The following AGBL1 variants were observed in gnomAD, a reference collection of about 807,000 sequenced individuals.
AGBL1 encodes the protein cytosolic carboxypeptidase 4.
AGBL1 carries 130 observed loss-of-function variants against 118.9 expected under a neutral mutation model. The observed-to-expected ratio is 1.09, with a 90% confidence interval of 0.95 to 1.26. The LOEUF (loss-of-function observed/expected upper bound fraction) is 1.26. Among genes scored for constraint, AGBL1 ranks in the 50% most tolerant of loss-of-function variants. The pLI, the probability that AGBL1 is intolerant of heterozygous loss-of-function variation, is 0.00. For missense variants in AGBL1, 1,584 were observed against 1,298.1 expected (o/e 1.22, Z -3.38); for synonymous variants, 555 against 478.9 (o/e 1.16, Z -2.08).
intron 24 of AGBL1, among the ~76,000 whole-genome samples, chr15:87,002,472 G>T (rs2081450457): frequency 6.6e-6 from 1 of 151,860 alleles, no homozygotes; most frequent in Non-Finnish European, 1.5e-5. Context: ...CTCTTTTTTG[G>T]TTCCATATGA....
chr15:86,735,903 G>A (rs558166153), intron 22 of AGBL1, among the ~76,000 whole-genome samples: 2 of 152,104 alleles, frequency 1.3e-5, no homozygotes, highest in South Asian at 4.2e-4. Flanking sequence ...AATGAGATAC[G>A]ACTTTTATGC....
At chr15:87,003,248 G>T (rs543437594) in intron 24 of AGBL1, among the ~76,000 whole-genome samples, 1 of 152,120 alleles carries the variant, frequency 6.6e-6, no homozygotes. Flanking sequence ...TGTGGCTTTT[G>T]TCTTTGGTTC....
intron 21 of AGBL1, among the ~76,000 whole-genome samples, chr15:86,642,434 A>G (rs999502303): frequency 3.9e-5 from 6 of 152,142 alleles, no homozygotes; most frequent in Admixed American, 3.9e-4. Context: ...CAGATATTAC[A>G]TTATCATTTT....
At position 86,420,494 on chromosome 15, in the gene AGBL1, T is replaced by C. The variant is rs116341151; in HGVS notation, c.2555+22948T>C. On this transcript the variant is annotated intron_variant, in intron 18 of 22. Coordinates refer to ENST00000614907, the MANE Select transcript of AGBL1 (RefSeq NM_001386094.1). ...AACATCAAAGACCAAGGTAGATAAA[T>C]GCACAAAGATGAGGAAAAATGTCCA... is the stretch of plus-strand genomic sequence containing the variant. Among the ~76,000 whole-genome samples the C allele has an allele frequency of 3.2e-3, 483 of 152,234 alleles. 1 individual carries two copies. The highest frequency in any genetic ancestry group is 0.011 in the African/African-American group (456 of 41,564).
At position 86,705,807 on chromosome 15, in the gene AGBL1, T is replaced by G. The variant is rs140713332; in HGVS notation, c.3158+31371T>G. 5.1e-3 allele frequency among the ~76,000 whole-genome samples: 778 copies of G among 152,280 alleles called. 3 individuals are homozygous for G. The highest frequency in any genetic ancestry group is 9.4e-3 in the Admixed American group (144 of 15,296). ...GAGCACATCAAGGTGTCTCTAGTGC[T>G]TTGAAAACCAATGTTAAAAAGATAA... is the stretch of plus-strand genomic sequence containing the variant. On this transcript the variant is annotated intron_variant, in intron 22 of 22. Transcript: ENST00000614907.
At chr15:86,979,714 A>G (rs2081210438) in intron 23 of AGBL1, among the ~76,000 whole-genome samples, 1 of 152,172 alleles carries the variant, frequency 6.6e-6, no homozygotes, top group African/African-American at 2.4e-5. Context: ...CGTGTTAGCC[A>G]GGATGGTCTC....
chr15:86,439,991 AT>A (rs145340463), intron 18 of AGBL1, among the ~76,000 whole-genome samples: 6,272 of 152,116 alleles, frequency 0.041, 451 homozygotes, highest in African/African-American at 0.14. Flanking sequence ...TTTAGCCATA[AT>A]TTTTTCCCTG....
At chr15:86,281,116 G>C (rs2079345870) in intron 16 of AGBL1, among the ~76,000 whole-genome samples, 1 of 152,200 alleles carries the variant, frequency 6.6e-6, no homozygotes, top group African/African-American at 2.4e-5. Context: ...GGGCACAGTG[G>C]CTCACTCCTG....
At chr15:86,830,347 C>T (rs2079086759) in intron 22 of AGBL1, among the ~76,000 whole-genome samples, 4 of 151,922 alleles carry the variant, frequency 2.6e-5, no homozygotes, top group African/African-American at 9.7e-5. Flanking sequence ...ATTAGTTTTG[C>T]CTGTTTTTGA....
chr15:86,852,666 G>C (rs1175246171), intron 22 of AGBL1, among the ~76,000 whole-genome samples: 1 of 152,066 alleles, frequency 6.6e-6, no homozygotes, highest in Non-Finnish European at 1.5e-5. Flanking sequence ...TCACTGAGCA[G>C]GCCTATGGCT....
chr15:86,702,960 C>T (rs2086385915), intron 22 of AGBL1, among the ~76,000 whole-genome samples: 1 of 152,044 alleles, frequency 6.6e-6, no homozygotes, highest in African/African-American at 2.4e-5. Flanking sequence ...ACCCCTGGGA[C>T]ACTTCAACTT....
intron 23 of AGBL1, among the ~76,000 whole-genome samples, chr15:86,944,415 C>A (rs1240811609): frequency 2.0e-5 from 3 of 152,042 alleles, no homozygotes; most frequent in Non-Finnish European, 4.4e-5. Context: ...AGGCATGTTT[C>A]AGGATGGCCG....
chr15:86,542,313 T>G (rs2083511064), intron 19 of AGBL1, among the ~76,000 whole-genome samples: 1 of 152,046 alleles, frequency 6.6e-6, no homozygotes, highest in South Asian at 2.1e-4. Flanking sequence ...TCTGTAGTTG[T>G]TCTCCTTTGA....
chr15:86,426,515 G>A (rs993620761), intron 18 of AGBL1, among the ~76,000 whole-genome samples: 3 of 152,168 alleles, frequency 2.0e-5, no homozygotes, highest in African/African-American at 7.2e-5. Context: ...TAACTACAAA[G>A]GTTCTTTCAG....
rs1358815270 is a variant in AGBL1 at position 86,915,094 on chromosome 15, C to G, written c.*7800C>G. 6.6e-6 allele frequency: 1 copy of G among 152,162 alleles called. No homozygotes were observed. The highest frequency in any genetic ancestry group is 1.5e-5 in the Non-Finnish European group (1 of 68,040). 9.4% of individuals were successfully genotyped at this position (152,162 alleles called of 1,614,324 possible). On this transcript the variant is annotated 3_prime_UTR_variant, in exon 23 of 23. Coordinates refer to ENST00000614907, the MANE Select transcript of AGBL1 (RefSeq NM_001386094.1). ...TCAGATCTTCACTAAATAGATGAAT[C>G]TGCAATGTTGTTGAGTGTGAATCTT...
rs1362585150 is a variant in AGBL1, at chr15:86,636,718, T to C, written c.2995-37555T>C. Reference sequence around the variant, plus strand: ...ACCACCAGTCATATATATATATATATATATATATATATATATATATATATA... The same window carrying C: ...ACCACCAGTCATATATATATATATACATATATATATATATATATATATATA... On this transcript the variant is annotated intron_variant, in intron 21 of 22. Coordinates refer to ENST00000614907, the MANE Select transcript of AGBL1 (RefSeq NM_001386094.1). 4.1e-4 allele frequency among the ~76,000 whole-genome samples: 13 copies of C among 31,952 alleles called. 2 individuals are homozygous for C. The East Asian group carries it at 0.019, about 47-fold the overall frequency. The allele number at this position is 31,952 out of a possible 152,430, so 21.0% of individuals were successfully genotyped here.
intron 17 of AGBL1, among the ~76,000 whole-genome samples, chr15:86,340,007 C>A (rs183045154): frequency 7.9e-4 from 120 of 151,702 alleles, no homozygotes; most frequent in African/African-American, 2.8e-3. Context: ...CTTATATATT[C>A]TACTTGTTTG....
rs1320997141 is a variant in AGBL1 at position 86,410,644 on chromosome 15, T to TC, written c.2555+13099dup. 2.7e-5 allele frequency among the ~76,000 whole-genome samples: 4 copies of TC among 150,750 alleles called. No individual in the cohort carries two copies. In the East Asian group the frequency reaches 6.0e-4, roughly 22 times the overall value. On this transcript the variant is annotated intron_variant, in intron 18 of 22. Coordinates refer to ENST00000614907, the MANE Select transcript of AGBL1 (RefSeq NM_001386094.1). ...TTTATTGTGTTCTGATGCCTAAATT[T>TC]CAGTGGTAGGGCATCTATGTTCTTC...
Position 86,922,565 on chromosome 15 carries a change from T to G in AGBL1, c.3222-65422T>G, listed in dbSNP as rs1290089448. 3.9e-5 allele frequency among the ~76,000 whole-genome samples: 6 copies of G among 152,180 alleles called. No homozygotes were observed. In the South Asian group the frequency reaches 1.2e-3, roughly 31 times the overall value. The stretch of plus-strand genomic sequence containing the variant: ...CCTTGGCCTCCCAAAATGTTGGAAT[T>G]ACAGGGTGAGCCACCATGCCCGGCC... On this transcript the variant is annotated intron_variant, in intron 23 of 24. Transcript: ENST00000441037.
Sources: allele counts gnomAD v4.1 joint callset (sites outside exome capture counted in the v4.1 genomes callset), GRCh38; gene constraint gnomAD v4.1.1; transcripts MANE v1.5; gene names NCBI Gene and HGNC (gene_info 2026-07-23, HGNC 2026-07-21).